The following ABL2 variants were observed in gnomAD, a reference collection of about 807,000 sequenced individuals.
ABL2 encodes tyrosine-protein kinase ABL2.
Under a neutral mutation model 107.7 loss-of-function variants are expected in ABL2, and 49 were observed. The observed-to-expected ratio is 0.45, with a 90% CI of 0.36 to 0.58. The LOEUF (loss-of-function observed/expected upper bound fraction) is 0.58. Ranked by LOEUF, ABL2 falls within the 20% of genes least tolerant of loss-of-function variation. The pLI is 0.00. For missense variants in ABL2, 1,245 were observed against 1,457.0 expected (o/e 0.85, Z 2.37); for synonymous variants, 549 against 548.6 (o/e 1.00, Z -0.01).
At chr1:179,141,115 CAAAA>C (rs34158477) in intron 1 of ABL2, among the ~76,000 whole-genome samples, 2 of 62,922 alleles carry the variant, frequency 3.2e-5, no homozygotes. Flanking sequence ...GACTCTGTCT[CAAAA>C]AAAAAAAAAA....
chr1:179,194,443 C>A (rs532218348), intron 1 of ABL2, among the ~76,000 whole-genome samples: 1 of 152,252 alleles, frequency 6.6e-6, no homozygotes, highest in African/African-American at 2.4e-5. Context: ...ATTTGAGAAA[C>A]TACTGATGGA....
intron 1 of ABL2, among the ~76,000 whole-genome samples, chr1:179,190,605 G>T (rs922884685): frequency 2.0e-5 from 3 of 152,028 alleles, no homozygotes; most frequent in Admixed American, 1.3e-4. Context: ...TGGGGGGTGG[G>T]GTGGGATGGA....
intron 1 of ABL2, among the ~76,000 whole-genome samples, chr1:179,173,651 G>A (rs948672144): frequency 1.3e-5 from 2 of 152,058 alleles, no homozygotes; most frequent in African/African-American, 4.8e-5. Context: ...TGCCCAGCCA[G>A]AAAGGCTTTT....
intron 1 of ABL2, among the ~76,000 whole-genome samples, chr1:179,200,558 A>C (rs1022514687): frequency 6.6e-6 from 1 of 152,088 alleles, no homozygotes; most frequent in Non-Finnish European, 1.5e-5. Context: ...CGCATATTCT[A>C]TCTCCCACCC....
intron 1 of ABL2, among the ~76,000 whole-genome samples, chr1:179,134,867 G>T (rs1408035813): frequency 2.0e-5 from 3 of 152,356 alleles, no homozygotes; most frequent in East Asian, 3.9e-4. Flanking sequence ...GTGCCTGCGA[G>T]TGCAGGCGCG....
At chr1:179,221,425 T>C (rs533484293) in intron 1 of ABL2, among the ~76,000 whole-genome samples, 7 of 152,192 alleles carry the variant, frequency 4.6e-5, no homozygotes, top group African/African-American at 1.7e-4. Context: ...AACCCATCTG[T>C]ACTGAAAATA....
intron 1 of ABL2, among the ~76,000 whole-genome samples, chr1:179,227,527 C>T (rs1416416777): frequency 6.6e-5 from 10 of 152,204 alleles, no homozygotes. Flanking sequence ...GAAAATCTTA[C>T]ATACCGAATA....
At chr1:179,227,868 T>C (rs952032381) in intron 1 of ABL2, among the ~76,000 whole-genome samples, 4 of 150,640 alleles carry the variant, frequency 2.7e-5, no homozygotes, top group Non-Finnish European at 4.4e-5. Context: ...CTGGCCAACA[T>C]AGAGAAACCC....
intron 1 of ABL2, among the ~76,000 whole-genome samples, chr1:179,182,011 T>A (rs1660407970): frequency 6.9e-6 from 1 of 144,780 alleles, no homozygotes; most frequent in African/African-American, 2.6e-5. Flanking sequence ...TTGGCCAGGA[T>A]GGTCTTGATC....
chr1:179,110,539 A>G (rs1653951926), intron 10 of ABL2, 84 bp from the exon 11 acceptor site: 1 of 1,533,544 alleles, frequency 6.5e-7, no homozygotes, highest in Admixed American at 2.2e-5. Flanking sequence ...CACACAACTG[A>G]GAAAGAACTG....
At chr1:179,162,298 CAA>C (rs1363059634) in intron 1 of ABL2, among the ~76,000 whole-genome samples, 2 of 152,100 alleles carry the variant, frequency 1.3e-5, no homozygotes, top group Non-Finnish European at 2.9e-5. Flanking sequence ...AGAAACCATC[CAA>C]AAGATAGCTA....
intron 1 of ABL2, among the ~76,000 whole-genome samples, chr1:179,154,052 C>T (rs1436983425): frequency 1.3e-5 from 2 of 152,162 alleles, no homozygotes; most frequent in Non-Finnish European, 2.9e-5. Context: ...TCCTATGAAT[C>T]ATACCTCTTA....
intron 1 of ABL2, among the ~76,000 whole-genome samples, chr1:179,216,065 A>G (rs1662547469): frequency 6.6e-6 from 1 of 152,200 alleles, no homozygotes; most frequent in Non-Finnish European, 1.5e-5. Flanking sequence ...TAGAAAGCAA[A>G]CCCGAGAATA....
At chr1:179,132,315 T>C (rs1053328122) in intron 2 of ABL2, among the ~76,000 whole-genome samples, 14 of 152,188 alleles carry the variant, frequency 9.2e-5, no homozygotes, top group African/African-American at 3.4e-4. Flanking sequence ...TCTAAATTTA[T>C]TCATAGTACA....
At chr1:179,119,693 GGTCACAGTTTTTA>G (rs1655000891) in intron 6 of ABL2, among the ~76,000 whole-genome samples, 1 of 151,978 alleles carries the variant, frequency 6.6e-6, no homozygotes. Context: ...TGAGGGGTGT[GGTCACAGTTTTTA>G]ATTTGCTTCT....
In ABL2 at chr1:179,106,651, C is replaced by T. The variant is rs1653491477; in HGVS notation, c.*1067G>A. 4.3e-6 allele frequency: 1 copy of T among 232,116 alleles called. No individual in the cohort carries two copies. Among genetic ancestry groups the T allele is most frequent in the South Asian group, 1.8e-4 (1 of 5,510 alleles). 14.4% of individuals were successfully genotyped at this position (232,116 alleles called of 1,614,324 possible). On this transcript the variant is annotated 3_prime_UTR_variant, in exon 12 of 12. Coordinates refer to ENST00000502732, the MANE Select transcript of ABL2 (RefSeq NM_007314.4). ...AGGTACAGAGAAACAGCCATTAGGA[C>T]CAAGCCAGCTTTTCCTCTCAGTCAC...
intron 1 of ABL2, among the ~76,000 whole-genome samples, chr1:179,178,378 G>C (rs965460879): frequency 6.7e-5 from 8 of 118,526 alleles, no homozygotes; most frequent in African/African-American, 2.5e-4. Flanking sequence ...TTCCAGACTG[G>C]GTGACAGAGC....
At chr1:179,112,549 G>A in intron 9 of ABL2, 151 bp from the exon 10 acceptor site, 1 of 567,156 alleles carries the variant, frequency 1.8e-6, no homozygotes, top group Non-Finnish European at 3.1e-6. Flanking sequence ...CCACTTCTCA[G>A]CTCTAGACTC....
Position 179,229,508 on chromosome 1 carries a change from T to C in ABL2, c.-111A>G. ...GGTCTCTCCCTCCCAGCCCAGGCCC[T>C]GGCCCTGAGTGGCTGGGCCACCGGC... On this transcript the variant is annotated 5_prime_UTR_variant, in exon 1 of 12. Transcript: ENST00000502732. 2.5e-6 allele frequency: 3 copies of C among 1,198,332 alleles called. No individual in the cohort carries two copies. Among genetic ancestry groups the C allele is most frequent in the East Asian group, 3.2e-5 (1 of 31,484 alleles). 74.2% of individuals were successfully genotyped at this position (1,198,332 alleles called of 1,614,324 possible). A position where few individuals can be genotyped will look rare whatever the true frequency, so the allele number is the denominator to read the frequency against.
Sources: allele counts gnomAD v4.1 joint callset (sites outside exome capture counted in the v4.1 genomes callset), GRCh38; gene constraint gnomAD v4.1.1; transcripts MANE v1.5; gene names NCBI Gene and HGNC (gene_info 2026-07-23, HGNC 2026-07-21).